HDGFL3: variants seen among roughly 807,000 people sequenced by gnomAD.
HDGFL3 encodes HDGF like 3.
HDGFL3 carries 6 observed loss-of-function variants against 27.6 expected under a neutral mutation model. The ratio of observed to expected loss-of-function variants is 0.22; its 90% CI spans 0.12 to 0.43. The LOEUF is 0.43. Ranked by LOEUF, HDGFL3 falls within the 20% of genes least tolerant of loss-of-function variation. The pLI is 1.00. For synonymous variants in HDGFL3, 88 were observed against 88.9 expected, an observed-to-expected ratio of 0.99 and a Z score of 0.05; for missense variants, 207 against 250.1, an observed-to-expected ratio of 0.83 and a Z score of 1.16.
chr15:83,207,268 GGC>G lies in HDGFL3; in HGVS notation c.84+61_84+62del. ...GCTGAGGCGATGGGGAAAGGGGGCG[GGC>G]GCGCCATCATGAAGGGGAAAATGGT... On this transcript the variant is annotated intron_variant, in intron 1 of 5. Transcript: ENST00000299633. The surrounding 1 kb of genome is among the most constrained non-coding windows in gnomAD (Gnocchi z 4.8). The G allele has an allele frequency of 8.7e-7, 1 of 1,143,542 alleles. No individual in the cohort carries two copies. The highest frequency in any genetic ancestry group is 1.1e-6 in the Non-Finnish European group (1 of 877,570). The allele number at this position is 1,143,542 out of a possible 1,614,324, so 70.8% of individuals were successfully genotyped here.
intron 1 of HDGFL3, among the ~76,000 whole-genome samples, chr15:83,166,931 G>C (rs754885009): frequency 2.0e-5 from 3 of 152,170 alleles, no homozygotes; most frequent in Non-Finnish European, 4.4e-5. Context: ...ATTATAATTT[G>C]ACATGAGACA....
intron 1 of HDGFL3, among the ~76,000 whole-genome samples, chr15:83,204,259 A>T (rs1041928703): frequency 1.3e-5 from 2 of 151,940 alleles, no homozygotes; most frequent in Admixed American, 1.3e-4. Flanking sequence ...TTTATATTAT[A>T]CCAATGTATA....
chr15:83,112,958 C>T (rs2034324447), exon 4 of HDGFL3: 2 of 1,366,886 alleles, frequency 1.5e-6, no homozygotes, highest in Non-Finnish European at 2.1e-6. Context: ...TACTTTCAGC[C>T]TCAGTCACAT....
chr15:83,118,244 C>T (rs2034875942), intron 3 of HDGFL3, among the ~76,000 whole-genome samples: 2 of 86,586 alleles, frequency 2.3e-5, no homozygotes, highest in African/African-American at 5.5e-5. Context: ...CACACACACA[C>T]ACACACACAC....
At chr15:83,186,417 T>C (rs933280684) in intron 1 of HDGFL3, among the ~76,000 whole-genome samples, 1 of 152,192 alleles carries the variant, frequency 6.6e-6, no homozygotes, top group Admixed American at 6.5e-5. Context: ...GTAATTTCCA[T>C]TCTAAGTCTC....
intron 1 of HDGFL3, among the ~76,000 whole-genome samples, chr15:83,196,399 C>T (rs2037572216): frequency 6.6e-6 from 1 of 151,856 alleles, no homozygotes; most frequent in African/African-American, 2.4e-5. Flanking sequence ...TACAAGATAA[C>T]CATATTAAAA....
chr15:83,136,347 A>G lies in HDGFL3; in HGVS notation c.*2923T>C. On this transcript the variant is annotated 3_prime_UTR_variant, in exon 6 of 6. Transcript: ENST00000299633. Reference sequence around the variant, plus strand: ...GACATTAAAGACTCTGGATTGTTTGAAGGTATTTTGCCTGCAGGTGAGACT... The same window carrying G: ...GACATTAAAGACTCTGGATTGTTTGGAGGTATTTTGCCTGCAGGTGAGACT... 1 of 577,028 alleles carries G rather than the reference A, an allele frequency of 1.7e-6. No homozygotes were observed. Among genetic ancestry groups the G allele is most frequent in the South Asian group, 3.6e-5 (1 of 27,482 alleles). 35.7% of individuals were successfully genotyped at this position (577,028 alleles called of 1,614,324 possible). A position where few individuals can be genotyped will look rare whatever the true frequency, so the allele number is the denominator to read the frequency against.
At position 83,203,513 on chromosome 15, in the gene HDGFL3, T is replaced by C. The variant is rs550734374; in HGVS notation, c.84+3818A>G. 3.9e-4 allele frequency among the ~76,000 whole-genome samples: 59 copies of C among 152,080 alleles called. 3 individuals are homozygous for C. The highest frequency in any genetic ancestry group is 4.6e-4 in the Admixed American group (7 of 15,286). ...ACAGGTGGCTAAAAAAAAGAAAGAT[T>C]CCTACACAAAAATAATATTAGTAAT... On this transcript the variant is annotated intron_variant, in intron 1 of 5. Coordinates refer to ENST00000299633, the MANE Select transcript of HDGFL3 (RefSeq NM_016073.4).
At chr15:83,182,894 T>C (rs1346367263) in intron 1 of HDGFL3, among the ~76,000 whole-genome samples, 1 of 152,224 alleles carries the variant, frequency 6.6e-6, no homozygotes, top group Admixed American at 6.5e-5. Context: ...GATTGTTAGA[T>C]GGACAGAAAT....
chr15:83,159,385 C>T (rs1024853488), intron 2 of HDGFL3, among the ~76,000 whole-genome samples: 18 of 152,206 alleles, frequency 1.2e-4, no homozygotes, highest in African/African-American at 4.1e-4. Flanking sequence ...TTCACACATT[C>T]CTTCATTCAA....
chr15:83,118,193 T>C (rs1302703746), intron 3 of HDGFL3, among the ~76,000 whole-genome samples: 1 of 151,904 alleles, frequency 6.6e-6, no homozygotes, highest in Non-Finnish European at 1.5e-5. Context: ...CACTGCACTC[T>C]AGACCGGGTG....
At chr15:83,165,572 C>G (rs28567531) in intron 1 of HDGFL3, among the ~76,000 whole-genome samples, 11,924 of 152,070 alleles carry the variant, frequency 0.078, 556 homozygotes, top group African/African-American at 0.12. Context: ...TCCTGTCTGC[C>G]CTGTAAAGCC....
intron 1 of HDGFL3, among the ~76,000 whole-genome samples, chr15:83,206,561 T>A (rs1329662033): frequency 2.0e-5 from 3 of 152,150 alleles, no homozygotes; most frequent in Non-Finnish European, 4.4e-5. Flanking sequence ...CCTTGTTATG[T>A]AGGAAGAGAG....
At chr15:83,162,910 G>C (rs1202705737) in intron 2 of HDGFL3, among the ~76,000 whole-genome samples, 2 of 152,100 alleles carry the variant, frequency 1.3e-5, no homozygotes, top group Non-Finnish European at 2.9e-5. Flanking sequence ...AACCATATCC[G>C]TTCCTAGTGT....
At chr15:83,175,470 C>T (rs1176214237) in intron 1 of HDGFL3, among the ~76,000 whole-genome samples, 1 of 152,206 alleles carries the variant, frequency 6.6e-6, no homozygotes, top group Non-Finnish European at 1.5e-5. Context: ...GAGTGATTAT[C>T]AAGTGGCAAC....
intron 1 of HDGFL3, among the ~76,000 whole-genome samples, chr15:83,197,896 G>A (rs1318596538): frequency 2.6e-5 from 4 of 151,164 alleles, no homozygotes; most frequent in African/African-American, 4.9e-5. Flanking sequence ...TTAGCCGGGT[G>A]TGGTGGTGTG....
At chr15:83,179,506 T>C (rs1481210785) in intron 1 of HDGFL3, among the ~76,000 whole-genome samples, 1 of 152,118 alleles carries the variant, frequency 6.6e-6, no homozygotes, top group Non-Finnish European at 1.5e-5. Flanking sequence ...GTCCAGATGG[T>C]AGTTGGGGGT....
At chr15:83,203,584 T>C (rs2037678440) in intron 1 of HDGFL3, among the ~76,000 whole-genome samples, 1 of 152,072 alleles carries the variant, frequency 6.6e-6, no homozygotes, top group Non-Finnish European at 1.5e-5. Flanking sequence ...CTGACACTTC[T>C]ATTCTAGAAA....
intron 1 of HDGFL3, among the ~76,000 whole-genome samples, chr15:83,200,765 A>T (rs1204413534): frequency 1.3e-5 from 2 of 151,608 alleles, no homozygotes; most frequent in African/African-American, 4.8e-5. Context: ...CCCTGGTCTG[A>T]TTCTCTTTCT....
Sources: allele counts gnomAD v4.1 joint callset (sites outside exome capture counted in the v4.1 genomes callset), GRCh38; gene constraint gnomAD v4.1.1; non-coding constraint Gnocchi (gnomAD v3.1); transcripts MANE v1.5; gene names NCBI Gene and HGNC (gene_info 2026-07-23, HGNC 2026-07-21).